The following FTO variants were observed in gnomAD, a reference collection of about 807,000 sequenced individuals.
FTO encodes the protein alpha-ketoglutarate-dependent dioxygenase FTO.
In FTO, 47 loss-of-function variants were observed where a neutral mutation model predicts 63.9. The observed-to-expected ratio is 0.74, with a 90% CI of 0.58 to 0.94. The LOEUF (loss-of-function observed/expected upper bound fraction) is 0.94, where lower values mean the gene tolerates loss of function less well. Among genes scored for constraint, FTO ranks in the 40% least tolerant of loss-of-function variants. FTO has a pLI of 0.00. For missense variants in FTO, 562 were observed against 618.1 expected, an observed-to-expected ratio of 0.91 and a Z score of 0.96; for synonymous variants, 207 against 224.4, an observed-to-expected ratio of 0.92 and a Z score of 0.69.
In FTO at chr16:53,810,148, G is replaced by C; in HGVS notation, c.54G>C (p.Arg18Ser). The C allele has an allele frequency of 6.2e-7, 1 of 1,607,648 alleles. No individual in the cohort carries two copies. Among genetic ancestry groups the C allele is most frequent in the Middle Eastern group, 1.8e-4 (1 of 5,602 alleles). Residue 18 changes from arginine (R) to serine (S), a missense_variant, in exon 2 of 9, where the codon AGG (arginine) becomes AGC (serine). Coordinates refer to ENST00000471389, the MANE Select transcript of FTO (RefSeq NM_001080432.3). ...TTATTATTTTCAAACAGAAACTGAG[G>C]CTTCTTGAAGAGCTTGAAGACACTT... ...EEREREAKKL[R>S]LLEELEDTWL...
intron 1 of FTO, among the ~76,000 whole-genome samples, chr16:53,791,568 T>C (rs1567989769): frequency 6.6e-6 from 1 of 152,194 alleles, no homozygotes; most frequent in Non-Finnish European, 1.5e-5. Flanking sequence ...TTAGGTTAGG[T>C]TGCAAGTCTT....
chr16:53,858,810 G>A (rs1041027541), intron 4 of FTO, among the ~76,000 whole-genome samples: 7 of 151,940 alleles, frequency 4.6e-5, no homozygotes, highest in African/African-American at 1.5e-4. Flanking sequence ...ATAGGCTCGT[G>A]CCACCACGCC....
intron 8 of FTO, among the ~76,000 whole-genome samples, chr16:54,058,145 G>A (rs1369506512): frequency 6.6e-6 from 1 of 151,948 alleles, no homozygotes; most frequent in East Asian, 1.9e-4. Flanking sequence ...GTCTCGCTCT[G>A]TCGTCAAGAC....
At chr16:53,766,026 GA>G (rs951824950) in intron 1 of FTO, among the ~76,000 whole-genome samples, 42 of 152,272 alleles carry the variant, frequency 2.8e-4, no homozygotes, top group African/African-American at 9.9e-4. Context: ...GAATTAGGGA[GA>G]AATATTGGGA....
At chr16:53,918,731 T>A (rs1315088778) in intron 7 of FTO, among the ~76,000 whole-genome samples, 1 of 152,222 alleles carries the variant, frequency 6.6e-6, no homozygotes, top group Non-Finnish European at 1.5e-5. Context: ...CCAGGTATTG[T>A]GACCTTCTGG....
At chr16:53,784,435 T>G (rs538063465) in intron 1 of FTO, among the ~76,000 whole-genome samples, 1 of 152,332 alleles carries the variant, frequency 6.6e-6, no homozygotes, top group East Asian at 1.9e-4. Flanking sequence ...TAAATACTTT[T>G]TCTGTGGAAC....
rs189115171 is a variant in FTO at position 53,886,165 on chromosome 16, C to G, written c.1120-2667C>G. Among the ~76,000 whole-genome samples the G allele has an allele frequency of 3.4e-3, 525 of 152,296 alleles. 3 individuals are homozygous for G. Among genetic ancestry groups the G allele is most frequent in the African/African-American group, 0.012 (492 of 41,570 alleles). Reference sequence around the variant, plus strand: ...GCTCTCTTGTCCAATAGCAGAGCCCCTAGATATAGCCTTCTCCTTGCTTCC... The same window carrying G: ...GCTCTCTTGTCCAATAGCAGAGCCCGTAGATATAGCCTTCTCCTTGCTTCC... On this transcript the variant is annotated intron_variant, in intron 6 of 8. Coordinates refer to ENST00000471389, the MANE Select transcript of FTO (RefSeq NM_001080432.3).
intron 8 of FTO, among the ~76,000 whole-genome samples, chr16:54,022,707 C>A (rs2084628550): frequency 6.6e-6 from 1 of 152,088 alleles, no homozygotes; most frequent in African/African-American, 2.4e-5. Context: ...TGGAATACCA[C>A]AAGAGTTCAC....
chr16:54,061,686 G>A (rs1158436292), intron 8 of FTO: 4 of 152,328 alleles, frequency 2.6e-5, no homozygotes, highest in African/African-American at 4.8e-5. Flanking sequence ...GCAGAGCAAA[G>A]CCTTCCGACT....
chr16:53,740,486 G>T lies in FTO; in HGVS notation c.45+36257G>T, dbSNP rs112052930. ...GTGCATACAGGATTGAAAATGTGCT[G>T]ATAGAATATTTTCTGGTTTTTCTTG... On this transcript the variant is annotated intron_variant, in intron 1 of 8. Coordinates refer to ENST00000471389, the MANE Select transcript of FTO (RefSeq NM_001080432.3). Among the ~76,000 whole-genome samples, 1,477 of 152,312 alleles carry T rather than the reference G, an allele frequency of 9.7e-3. 22 individuals carry two copies. The highest frequency in any genetic ancestry group is 0.04 in the East Asian group (210 of 5,192).
chr16:53,867,293 GA>G (rs1331537684), intron 4 of FTO, among the ~76,000 whole-genome samples: 2 of 150,438 alleles, frequency 1.3e-5, no homozygotes, highest in African/African-American at 5.0e-5. Context: ...GTTGCTAGTA[GA>G]CGTGTATTGC....
chr16:53,839,134 T>G (rs2079390623), intron 3 of FTO, among the ~76,000 whole-genome samples: 1 of 152,238 alleles, frequency 6.6e-6, no homozygotes, highest in Admixed American at 6.5e-5. Flanking sequence ...GGGTTAATTT[T>G]GGGGGGAAGT....
At chr16:53,886,105 G>T (rs1341463792) in intron 6 of FTO, among the ~76,000 whole-genome samples, 1 of 152,084 alleles carries the variant, frequency 6.6e-6, no homozygotes, top group African/African-American at 2.4e-5. Context: ...GAAGATGAAG[G>T]CATTATTTAT....
At chr16:53,930,221 CTTTTTTTT>C (rs1014205147) in intron 7 of FTO, among the ~76,000 whole-genome samples, 18 of 75,704 alleles carry the variant, frequency 2.4e-4, no homozygotes, top group African/African-American at 7.1e-4. Flanking sequence ...TGATTATCTT[CTTTTTTTT>C]TTTTTTTTTT....
At chr16:53,928,467 A>T (rs1405995368) in intron 7 of FTO, among the ~76,000 whole-genome samples, 2 of 152,228 alleles carry the variant, frequency 1.3e-5, no homozygotes, top group Non-Finnish European at 2.9e-5. Flanking sequence ...CGACACTATT[A>T]TAAGGAGTAA....
chr16:54,048,763 C>T (rs2085244528), intron 8 of FTO, among the ~76,000 whole-genome samples: 1 of 152,200 alleles, frequency 6.6e-6, no homozygotes, highest in African/African-American at 2.4e-5. Flanking sequence ...ATTCCATGCA[C>T]ATTCAAGCCT....
chr16:54,116,169 G>A lies in FTO; in HGVS notation c.*4254G>A, dbSNP rs1353877114. ...ACCCGTTTAACGGATCCCACATTCA[G>A]TAGACGGTTTTTTGTATGCTTCGAG... On this transcript the variant is annotated 3_prime_UTR_variant, in exon 9 of 9. Transcript: ENST00000471389. The A allele has an allele frequency of 6.6e-6, 1 of 152,156 alleles. No individual in the cohort carries two copies. The allele number at this position is 152,156 out of a possible 1,614,324, so 9.4% of individuals were successfully genotyped here.
At position 54,120,902 on chromosome 16, in the gene FTO, C is replaced by G. The variant is rs1459874018; in HGVS notation, c.*8987C>G. On this transcript the variant is annotated 3_prime_UTR_variant, in exon 9 of 9. Transcript: ENST00000471389. ...GTGATTTTACATATTATTAGAGCCA[C>G]TGAAATTTATGATGCAGGATATTAA... The G allele has an allele frequency of 2.0e-5, 3 of 152,202 alleles. No homozygotes were observed. Among genetic ancestry groups the G allele is most frequent in the Non-Finnish European group, 4.4e-5 (3 of 68,026 alleles). The allele number at this position is 152,202 out of a possible 1,614,324, so 9.4% of individuals were successfully genotyped here.
rs1214447197 is a variant in FTO at position 54,069,855 on chromosome 16, C to T, written c.1365-41907C>T. On this transcript the variant is annotated intron_variant, in intron 8 of 8. Coordinates refer to ENST00000471389, the MANE Select transcript of FTO (RefSeq NM_001080432.3). ...CAGTGGGGGTTGTGCTAGCCCTTGC[C>T]GCTGAAGCAGACATACAAAATGGTT... The T allele has an allele frequency of 3.9e-5, 6 of 152,028 alleles. No individual in the cohort carries two copies. In the East Asian group the frequency reaches 5.8e-4, roughly 15 times the overall value. 9.4% of individuals were successfully genotyped at this position (152,028 alleles called of 1,614,324 possible).
Sources: allele counts gnomAD v4.1 joint callset (sites outside exome capture counted in the v4.1 genomes callset), GRCh38; gene constraint gnomAD v4.1.1; transcripts MANE v1.5; gene names NCBI Gene and HGNC (gene_info 2026-07-23, HGNC 2026-07-21).